The following RAB29 variants were observed in gnomAD, a reference collection of about 807,000 sequenced individuals.
The protein encoded by RAB29 is RAB29, member RAS oncogene family.
In RAB29, 13 loss-of-function variants were observed where a neutral mutation model predicts 25.5. The ratio of observed to expected loss-of-function variants is 0.51; its 90% CI spans 0.33 to 0.81. The LOEUF (loss-of-function observed/expected upper bound fraction) is 0.81, where lower values mean the gene tolerates loss of function less well. RAB29 is among the 30% of genes least tolerant of loss of function. The pLI is 0.02. For synonymous variants in RAB29, 88 were observed against 95.0 expected (o/e 0.93, Z 0.43); for missense variants, 201 against 254.9 (o/e 0.79, Z 1.44).
At chr1:205,774,794 C>CCCCAG in intron 2 of RAB29, 39 bp downstream of exon 2, 1 of 1,419,272 alleles carries the variant, frequency 7.0e-7, no homozygotes, top group Non-Finnish European at 9.7e-7. Context: ...TCGGGGCCTC[C>CCCCAG]TCCTCCCCCT....
At chr1:205,771,184 A>T (rs1241023914) in intron 4 of RAB29, 1 of 476,912 alleles carries the variant, frequency 2.1e-6, no homozygotes, top group Non-Finnish European at 3.8e-6. Flanking sequence ...CTGTAGTCCC[A>T]GCTACTCGGG....
chr1:205,774,241 C>T (rs890448941), intron 2 of RAB29, among the ~76,000 whole-genome samples: 1 of 152,258 alleles, frequency 6.6e-6, no homozygotes, highest in Non-Finnish European at 1.5e-5. Context: ...CTCATCAGCC[C>T]TCATGGGCAT....
chr1:205,773,634 T>C (rs976079838), intron 2 of RAB29, among the ~76,000 whole-genome samples: 12 of 152,182 alleles, frequency 7.9e-5, no homozygotes, highest in African/African-American at 2.4e-4. Flanking sequence ...AATCCTCTCG[T>C]CTCAGTTTCC....
Position 205,769,935 on chromosome 1 carries a change from G to A in RAB29, c.*407C>T, listed in dbSNP as rs887218755. 27 of 205,854 alleles carry A rather than the reference G, an allele frequency of 1.3e-4. No individual in the cohort carries two copies. The highest frequency in any genetic ancestry group is 6.1e-4 in the African/African-American group (26 of 42,332). The allele number at this position is 205,854 out of a possible 1,614,324, so 12.8% of individuals were successfully genotyped here. A position where few individuals can be genotyped will look rare whatever the true frequency, so the allele number is the denominator to read the frequency against. On this transcript the variant is annotated 3_prime_UTR_variant, in exon 6 of 6. Coordinates refer to ENST00000367139, the MANE Select transcript of RAB29 (RefSeq NM_003929.3). ...ACGGCCTACAAGAAATTTGGGAAAT[G>A]ACATTTGATCTCATTTTCCTCTCAA...
chr1:205,771,299 A>AC, intron 4 of RAB29, 173 bp downstream of exon 4: 1 of 292,830 alleles, frequency 3.4e-6, no homozygotes, highest in East Asian at 5.8e-5. Context: ...ACTCCGTCTC[A>AC]AAAAAAAAAA....
chr1:205,774,789 G>GCCTCCTCCTCCCCCTCCC (rs1655215536), intron 2 of RAB29, 44 bp downstream of exon 2: 1 of 1,505,030 alleles, frequency 6.6e-7, no homozygotes, highest in Admixed American at 2.0e-5. Context: ...CGCGGTCGGG[G>GCCTCCTCCTCCCCCTCCC]CCTCCTCCTC....
intron 2 of RAB29, among the ~76,000 whole-genome samples, chr1:205,773,287 GA>G (rs1394105270): frequency 6.7e-6 from 1 of 149,978 alleles, no homozygotes; most frequent in African/African-American, 2.5e-5. Context: ...TCTGTGACAG[GA>G]ATCAAAGCTA....
At chr1:205,775,133 A>C in intron 1 of RAB29, 47 bp from the exon 2 acceptor site, 10 of 800,594 alleles carry the variant, frequency 1.2e-5, no homozygotes, top group East Asian at 3.2e-5. Context: ...CTCAACCTAT[A>C]CGCGCTTCCT....
chr1:205,770,867 A>T lies in RAB29; in HGVS notation c.379-13T>A, dbSNP rs1412038302. The T allele has an allele frequency of 6.2e-7, 1 of 1,614,068 alleles. No individual in the cohort carries two copies. The highest frequency in any genetic ancestry group is 8.5e-7 in the Non-Finnish European group (1 of 1,179,946). On this transcript the variant is annotated splice_polypyrimidine_tract_variant and intron_variant, in intron 4 of 5. Transcript: ENST00000367139. ...GGGACAGATCACACTAGCAAAGAGA[A>T]AAAATAAAAGGCAGTATCATAAACT...
chr1:205,770,792 A>G lies in RAB29; in HGVS notation c.441T>C (p.Gly147=). ...DQIDRFSKEN[G]FTGWTETSVK... is the part of the protein sequence containing the mutation. ...CTGATGTTTCTGTCCAACCTGTGAAACCGTTCTCTTTACTGAACCGGTCAA... is the reference window on the plus strand; with the variant it reads ...CTGATGTTTCTGTCCAACCTGTGAAGCCGTTCTCTTTACTGAACCGGTCAA... Residue 147 remains glycine, a synonymous_variant, in exon 5 of 6, where the codon GGT becomes GGC. Transcript: ENST00000367139. The G allele has an allele frequency of 1.2e-6, 2 of 1,614,164 alleles. No homozygotes were observed. Among genetic ancestry groups the G allele is most frequent in the Non-Finnish European group, 1.7e-6 (2 of 1,180,026 alleles).
chr1:205,773,558 C>T (rs961134349), intron 2 of RAB29, among the ~76,000 whole-genome samples: 2 of 152,076 alleles, frequency 1.3e-5, no homozygotes, highest in African/African-American at 4.8e-5. Flanking sequence ...ACTCTGTTGC[C>T]CAGGCTACAG....
At chr1:205,771,784 T>C in intron 3 of RAB29, 131 bp from the exon 4 acceptor site, 1 of 925,170 alleles carries the variant, frequency 1.1e-6, no homozygotes, top group South Asian at 1.4e-5. Flanking sequence ...TGGTTTTCTA[T>C]CCCATAAAGG....
At position 205,769,373 on chromosome 1, in the gene RAB29, C is replaced by T. The variant is rs1307581629; in HGVS notation, c.*969G>A. ...GCAATCCTATCATGAGGATTAAGCT[C>T]TTTGTGGAAGAAAATGCTTTCATTG... On this transcript the variant is annotated 3_prime_UTR_variant, in exon 6 of 6. Transcript: ENST00000367139. 1 of 152,154 alleles carries T rather than the reference C, an allele frequency of 6.6e-6. No homozygotes were observed. Among genetic ancestry groups the T allele is most frequent in the Non-Finnish European group, 1.5e-5 (1 of 68,030 alleles). 9.4% of individuals were successfully genotyped at this position (152,154 alleles called of 1,614,324 possible).
At chr1:205,771,325 C>T (rs1481207452) in intron 4 of RAB29, 147 bp downstream of exon 4, 5 of 906,456 alleles carry the variant, frequency 5.5e-6, no homozygotes, top group Non-Finnish European at 8.7e-6. Context: ...AAGAAAGTCT[C>T]ACTCACCCTC....
Position 205,771,665 on chromosome 1 carries a change from G to A in RAB29, c.197-12C>T. 2 of 1,612,924 alleles carry A rather than the reference G, an allele frequency of 1.2e-6. No individual in the cohort carries two copies. Among genetic ancestry groups the A allele is most frequent in the Non-Finnish European group, 1.7e-6 (2 of 1,178,920 alleles). ...GAAGCGCTCCTGCCCTGGGGAGAAA[G>A]GGGAGAGTTCTCAAGGTGACCCAAG... is the stretch of plus-strand genomic sequence containing the variant. On this transcript the variant is annotated splice_polypyrimidine_tract_variant and intron_variant, in intron 3 of 5. Transcript: ENST00000367139.
At chr1:205,770,901 CT>C (rs1558067791) in intron 4 of RAB29, 47 bp from the exon 5 acceptor site, 2 of 1,606,870 alleles carry the variant, frequency 1.2e-6, no homozygotes, top group Admixed American at 3.3e-5. Flanking sequence ...CTTCCTGCAA[CT>C]AAGAAAGAAT....
chr1:205,771,595 A>C lies in RAB29; in HGVS notation c.255T>G (p.Val85=), dbSNP rs1166846777. 6.2e-7 allele frequency: 1 copy of C among 1,614,112 alleles called. No homozygotes were observed. The highest frequency in any genetic ancestry group is 2.2e-5 in the East Asian group (1 of 44,876). The part of the protein sequence containing the change: ...RLYYRDASAC[V]IMFDVTNATT... ...TGGCATTGGTAACGTCAAACATAAT[A>C]ACACAGGCAGAGGCATCCCGATAAT... The change falls in exon 4 of 6, where the codon GTT becomes GTG. Residue 85 remains valine (V), a synonymous_variant. Transcript: ENST00000367139.
rs11807208 is a variant in RAB29 at position 205,769,715 on chromosome 1, C to T, written c.*627G>A. ...AAGTGCTGGGATTACAGGCATGAGC[C>T]ACCATGCCCGGCCAAAAAACTTGAC... On this transcript the variant is annotated 3_prime_UTR_variant, in exon 6 of 6. Coordinates refer to ENST00000367139, the MANE Select transcript of RAB29 (RefSeq NM_003929.3). 0.073 allele frequency: 11,326 copies of T among 154,146 alleles called. 452 individuals are homozygous for T. The highest frequency in any genetic ancestry group is 0.1 in the Middle Eastern group (30 of 296). 9.5% of individuals were successfully genotyped at this position (154,146 alleles called of 1,614,324 possible). A position where few individuals can be genotyped will look rare whatever the true frequency, so the allele number is the denominator to read the frequency against.
intron 2 of RAB29, 39 bp downstream of exon 2, chr1:205,774,794 C>CGCCCG: frequency 7.0e-7 from 1 of 1,419,272 alleles, no homozygotes; most frequent in Non-Finnish European, 9.7e-7. Flanking sequence ...TCGGGGCCTC[C>CGCCCG]TCCTCCCCCT....
Sources: gnomAD v4.1 joint callset for allele counts (sites outside exome capture counted in the v4.1 genomes callset) on GRCh38, gnomAD v4.1.1 for gene constraint, MANE v1.5 for transcripts, NCBI Gene and HGNC (gene_info 2026-07-23, HGNC 2026-07-21) for gene names.